Variants in ZNF620 observed in about 807,000 individuals in gnomAD.
The protein encoded by ZNF620 is zinc finger protein 620.
ZNF620 carries 10 observed loss-of-function variants against 13.3 expected under a neutral mutation model. The observed-to-expected ratio is 0.75, with a 90% CI of 0.46 to 1.28. ZNF620 has a LOEUF of 1.28. ZNF620 is among the 50% of genes most tolerant of loss of function. ZNF620 has a pLI of 0.00. For missense variants in ZNF620, 461 were observed against 500.2 expected (o/e 0.92, Z 0.75); for synonymous variants, 166 against 177.6 (o/e 0.93, Z 0.52).
chr3:40,512,764 A>G (rs1054010082), intron 4 of ZNF620, among the ~76,000 whole-genome samples: 1 of 152,088 alleles, frequency 6.6e-6, no homozygotes, highest in African/African-American at 2.4e-5. Flanking sequence ...CAACCTGCCA[A>G]GGGAGACTGT....
In ZNF620 at chr3:40,516,131, C is replaced by T; in HGVS notation, c.537C>T (p.Val179=). The T allele has an allele frequency of 6.2e-7, 1 of 1,614,076 alleles. No homozygotes were observed. The highest frequency in any genetic ancestry group is 1.6e-4 in the Middle Eastern group (1 of 6,062). ...AGAAATTAGGAAAAAATATTAGCGT[C>T]AGCACACAACTCACTACAAATCAGA... ...KFEKLGKNIS[V]STQLTTNQTN... Residue 179 remains valine (V), a synonymous_variant, in exon 5 of 5, where the codon GTC becomes GTT. Coordinates refer to ENST00000314529, the MANE Select transcript of ZNF620 (RefSeq NM_175888.4).
chr3:40,511,985 G>A (rs1698215705), intron 3 of ZNF620, among the ~76,000 whole-genome samples: 2 of 152,114 alleles, frequency 1.3e-5, no homozygotes, highest in Non-Finnish European at 2.9e-5. Context: ...CCTGGCAGGA[G>A]AACTTTGTGG....
chr3:40,515,342 T>G (rs1418412184), intron 4 of ZNF620, among the ~76,000 whole-genome samples: 1 of 152,204 alleles, frequency 6.6e-6, no homozygotes, highest in Non-Finnish European at 1.5e-5. Flanking sequence ...AGCTTGATGG[T>G]AGAGATCAGC....
At chr3:40,510,963 C>T (rs763049511) in intron 2 of ZNF620, among the ~76,000 whole-genome samples, 8 of 152,078 alleles carry the variant, frequency 5.3e-5, no homozygotes, top group Non-Finnish European at 7.4e-5. Context: ...TTGGCAACAT[C>T]GCCAGGCTGG....
At chr3:40,512,128 G>C (rs375178420) in intron 3 of ZNF620, among the ~76,000 whole-genome samples, 9 of 152,320 alleles carry the variant, frequency 5.9e-5, no homozygotes, top group East Asian at 1.9e-4. Context: ...CAAAACATGG[G>C]GGGGAAAGGA....
chr3:40,517,778 A>G lies in ZNF620; in HGVS notation c.*915A>G, dbSNP rs1268688273. 6.6e-6 allele frequency: 1 copy of G among 152,330 alleles called. No individual in the cohort carries two copies. The highest frequency in any genetic ancestry group is 1.9e-4 in the East Asian group (1 of 5,186). 9.4% of individuals were successfully genotyped at this position (152,330 alleles called of 1,614,324 possible). A position where few individuals can be genotyped will look rare whatever the true frequency, so the allele number is the denominator to read the frequency against. ...CACTACACAAGGAGTAAACCAGTAA[A>G]TAAAAAGACAGATATATGGATTCCC... On this transcript the variant is annotated 3_prime_UTR_variant, in exon 5 of 5. Transcript: ENST00000314529.
intron 4 of ZNF620, among the ~76,000 whole-genome samples, chr3:40,514,659 C>T (rs1698316851): frequency 6.6e-6 from 1 of 152,122 alleles, no homozygotes; most frequent in Non-Finnish European, 1.5e-5. Context: ...GTAGTACCAG[C>T]TCCTGGGGAG....
Position 40,516,864 on chromosome 3 carries a change from G to T in ZNF620, c.*1G>T, listed in dbSNP as rs1698408096. On this transcript the variant is annotated 3_prime_UTR_variant, in exon 5 of 5. Transcript: ENST00000314529. ...TCAGAAGACACCTGTCCAAGCATAG[G>T]GCTATCCATAGTTAGGCCCACTGTG... The T allele has an allele frequency of 6.3e-7, 1 of 1,590,240 alleles. No individual in the cohort carries two copies.
chr3:40,516,546 A>C lies in ZNF620; in HGVS notation c.952A>C (p.Ser318Arg). 1.9e-6 allele frequency: 3 copies of C among 1,614,234 alleles called. No individual in the cohort carries two copies. The highest frequency in any genetic ancestry group is 2.5e-6 in the Non-Finnish European group (3 of 1,180,038). ...YECNECWKTF[S>R]CSSSFTVHQR... ...ATGTAACGAATGTTGGAAAACTTTC[A>C]GTTGCAGCTCAAGTTTCACTGTCCA... The change falls in exon 5 of 5, where the codon AGT becomes CGT. Residue 318 changes from serine (S) to arginine (R), a missense_variant. Physicochemically the swap from Ser to Arg is moderately radical, Grantham distance 110. Transcript: ENST00000314529.
At position 40,516,770 on chromosome 3, in the gene ZNF620, T is replaced by C; in HGVS notation, c.1176T>C (p.Tyr392=). 1.2e-6 allele frequency: 2 copies of C among 1,614,212 alleles called. No homozygotes were observed. Among genetic ancestry groups the C allele is most frequent in the Non-Finnish European group, 1.7e-6 (2 of 1,180,048 alleles). ...GAGTTCACACTGGCGAGAAACCTTA[T>C]GAGTGTAAAGTGTGTGGTAAAACCT... ...HQRVHTGEKP[Y]ECKVCGKTFS... is the part of the protein sequence containing the mutation. Residue 392 remains tyrosine, a synonymous_variant, in exon 5 of 5, where the codon TAT becomes TAC. Transcript: ENST00000314529.
intron 2 of ZNF620, 71 bp downstream of exon 2, chr3:40,506,447 C>G (rs2125653668): frequency 1.5e-6 from 2 of 1,330,982 alleles, no homozygotes. Context: ...CCTCTGCATT[C>G]AGATCTTGAG....
At chr3:40,510,758 C>CT (rs985648418) in intron 2 of ZNF620, among the ~76,000 whole-genome samples, 2 of 151,802 alleles carry the variant, frequency 1.3e-5, no homozygotes, top group African/African-American at 2.4e-5. Context: ...CTCTCTCTCT[C>CT]TTTTTTTTGA....
intron 2 of ZNF620, among the ~76,000 whole-genome samples, chr3:40,509,026 GCAATGTACTATCTTAA>G (rs56798075): frequency 0.51 from 78,138 of 151,848 alleles, 22,277 homozygotes; most frequent in African/African-American, 0.77. Context: ...GGTTCTTCAA[GCAATGTACTATCTTAA>G]GCAGATAGTA....
intron 2 of ZNF620, among the ~76,000 whole-genome samples, chr3:40,507,870 C>A (rs185891541): frequency 6.6e-6 from 1 of 152,220 alleles, no homozygotes; most frequent in East Asian, 1.9e-4. Flanking sequence ...CTCAAGCAAT[C>A]CTCCCCGCTC....
chr3:40,511,663 CT>C, intron 3 of ZNF620, 67 bp downstream of exon 3: 1 of 1,558,430 alleles, frequency 6.4e-7, no homozygotes, highest in Non-Finnish European at 8.6e-7. Context: ...TTCCTTAGAA[CT>C]TTGTGGGGTT....
In ZNF620 at chr3:40,517,916, A is replaced by G. The variant is rs1344843398; in HGVS notation, c.*1053A>G. 2 of 152,220 alleles carry G rather than the reference A, an allele frequency of 1.3e-5. No homozygotes were observed. Among genetic ancestry groups the G allele is most frequent in the African/African-American group, 4.8e-5 (2 of 41,454 alleles). The allele number at this position is 152,220 out of a possible 1,614,324, so 9.4% of individuals were successfully genotyped here. A position where few individuals can be genotyped will look rare whatever the true frequency, so the allele number is the denominator to read the frequency against. The stretch of plus-strand genomic sequence containing the variant: ...GTAGGGTGCAAACTTCCAGAGACCT[A>G]TCTCAGGTTCAGTGTCCACCCACCC... On this transcript the variant is annotated 3_prime_UTR_variant, in exon 5 of 5. Coordinates refer to ENST00000314529, the MANE Select transcript of ZNF620 (RefSeq NM_175888.4).
chr3:40,513,459 A>G (rs1040730122), intron 4 of ZNF620, among the ~76,000 whole-genome samples: 2 of 150,550 alleles, frequency 1.3e-5, no homozygotes, highest in Admixed American at 1.3e-4. Flanking sequence ...CAACATGGTG[A>G]AACTCCATCG....
chr3:40,511,446 T>C (rs1698194038), intron 2 of ZNF620, 24 bp from the exon 3 acceptor site: 1 of 1,609,964 alleles, frequency 6.2e-7, no homozygotes, highest in African/African-American at 1.3e-5. Context: ...CACACAGGGT[T>C]TGAGCAGGAA....
chr3:40,516,602 T>A lies in ZNF620; in HGVS notation c.1008T>A (p.Tyr336Ter), dbSNP rs1446560055. Residue 336 changes from tyrosine (Y) to a stop codon, truncating the protein, a stop_gained, in exon 5 of 5, where the codon TAT becomes TAA. Coordinates refer to ENST00000314529, the MANE Select transcript of ZNF620 (RefSeq NM_175888.4). LOFTEE classifies it low-confidence loss of function (END_TRUNC). ...HQRMHTGEKPYECKECGKRLS... is the reference protein window; with the variant it reads ...HQRMHTGEKP Reference sequence around the variant, plus strand: ...GAATGCACACTGGGGAGAAACCTTATGAATGTAAAGAGTGTGGAAAACGAT... The same window carrying A: ...GAATGCACACTGGGGAGAAACCTTAAGAATGTAAAGAGTGTGGAAAACGAT... 1 of 1,614,088 alleles carries A rather than the reference T, an allele frequency of 6.2e-7. No homozygotes were observed. Among genetic ancestry groups the A allele is most frequent in the African/African-American group, 1.3e-5 (1 of 74,938 alleles).
Sources: gnomAD v4.1 joint callset for allele counts (sites outside exome capture counted in the v4.1 genomes callset) on GRCh38, gnomAD v4.1.1 for gene constraint, MANE v1.5 for transcripts, NCBI Gene and HGNC (gene_info 2026-07-23, HGNC 2026-07-21) for gene names.